The following ST7L variants were observed in gnomAD, a reference collection of about 807,000 sequenced individuals.
The protein encoded by ST7L is suppressor of tumorigenicity 7 protein-like.
ST7L carries 57 observed loss-of-function variants against 72.5 expected under a neutral mutation model. The ratio of observed to expected loss-of-function variants is 0.79; its 90% CI spans 0.64 to 0.98. The LOEUF (loss-of-function observed/expected upper bound fraction) is 0.98, where lower values mean the gene tolerates loss of function less well. Ranked by LOEUF, ST7L falls within the 50% of genes least tolerant of loss-of-function variation. The pLI, the probability that ST7L is intolerant of heterozygous loss-of-function variation, is 0.00. For synonymous variants in ST7L, 221 were observed against 240.9 expected (o/e 0.92, Z 0.77); for missense variants, 576 against 672.2 (o/e 0.86, Z 1.58).
intron 2 of ST7L, among the ~76,000 whole-genome samples, chr1:112,614,942 T>A (rs116099112): frequency 0.02 from 3,047 of 152,114 alleles, 103 homozygotes; most frequent in African/African-American, 0.069. Flanking sequence ...AAATATTTTA[T>A]TTTTTTTAAA....
At chr1:112,548,701 T>C (rs1188259777) in intron 13 of ST7L, among the ~76,000 whole-genome samples, 1 of 152,224 alleles carries the variant, frequency 6.6e-6, no homozygotes, top group Non-Finnish European at 1.5e-5. Flanking sequence ...GTTTATAGCC[T>C]TCGGCATGGT....
At chr1:112,556,243 T>G (rs1176555966) in intron 11 of ST7L, among the ~76,000 whole-genome samples, 1 of 152,182 alleles carries the variant, frequency 6.6e-6, no homozygotes, top group Non-Finnish European at 1.5e-5. Context: ...AATAAGGTGA[T>G]AAATGGCATA....
At chr1:112,572,437 CT>C (rs1307873419) in intron 11 of ST7L, among the ~76,000 whole-genome samples, 1 of 151,954 alleles carries the variant, frequency 6.6e-6, no homozygotes, top group African/African-American at 2.4e-5. Context: ...GTTTCATCTA[CT>C]TTGGAAATCT....
At chr1:112,599,793 T>C (rs1667118955) in intron 4 of ST7L, among the ~76,000 whole-genome samples, 1 of 152,210 alleles carries the variant, frequency 6.6e-6, no homozygotes. Flanking sequence ...TACTTAAATG[T>C]ATACAATGTA....
intron 14 of ST7L, among the ~76,000 whole-genome samples, chr1:112,534,189 CA>C (rs879893111): frequency 2.6e-5 from 4 of 152,178 alleles, no homozygotes; most frequent in African/African-American, 4.8e-5. Context: ...GTTTCTCTAG[CA>C]AGCCACTGGA....
intron 14 of ST7L, chr1:112,526,694 T>G (rs1379551454): frequency 6.7e-6 from 1 of 148,726 alleles, no homozygotes; most frequent in Admixed American, 6.8e-5. Context: ...TGAGCCAAGA[T>G]GCACCACTGC....
chr1:112,559,380 T>C (rs138583911), intron 11 of ST7L, among the ~76,000 whole-genome samples: 3,061 of 152,050 alleles, frequency 0.02, 107 homozygotes, highest in African/African-American at 0.069. Context: ...ACTACAGGCA[T>C]GCACCATGAT....
chr1:112,599,073 A>AAAAAAAAAATAT lies in ST7L; in HGVS notation c.507-988_507-987insATATTTTTTTTT, dbSNP rs1190968815. On this transcript the variant is annotated intron_variant, in intron 4 of 14. Coordinates refer to ENST00000358039, the MANE Select transcript of ST7L (RefSeq NM_017744.5). Reference sequence around the variant, plus strand: ...AGACTCAGCCTCAAAAAAAAAAAAAAATATATATATATATATATATATATA... The same window carrying AAAAAAAAAATAT: ...AGACTCAGCCTCAAAAAAAAAAAAAAAAAAAAAAATATATATATATATATATATATATATATA... Among the ~76,000 whole-genome samples, 46 of 56,996 alleles carry AAAAAAAAAATAT rather than the reference A, an allele frequency of 8.1e-4. 2 individuals are homozygous for AAAAAAAAAATAT. Among genetic ancestry groups the AAAAAAAAAATAT allele is most frequent in the Non-Finnish European group, 1.1e-3 (36 of 32,404 alleles). The allele number at this position is 56,996 out of a possible 152,430, so 37.4% of individuals were successfully genotyped here.
chr1:112,589,224 C>T (rs1665308482), intron 6 of ST7L, among the ~76,000 whole-genome samples: 1 of 151,982 alleles, frequency 6.6e-6, no homozygotes, highest in Non-Finnish European at 1.5e-5. Flanking sequence ...AAAGTCTAGG[C>T]TTCACAGGGG....
At chr1:112,599,502 G>A (rs1373188250) in intron 4 of ST7L, among the ~76,000 whole-genome samples, 12 of 152,074 alleles carry the variant, frequency 7.9e-5, no homozygotes, top group Admixed American at 7.2e-4. Flanking sequence ...CAAAATAAAA[G>A]TAAAGTATCT....
chr1:112,527,451 ACCT>A (rs1653639506), intron 14 of ST7L: 2 of 152,492 alleles, frequency 1.3e-5, no homozygotes, highest in Admixed American at 1.3e-4. Flanking sequence ...TCCATTGCTC[ACCT>A]CCTGCATAGC....
At chr1:112,534,223 A>G (rs1200443655) in intron 14 of ST7L, among the ~76,000 whole-genome samples, 1 of 152,180 alleles carries the variant, frequency 6.6e-6, no homozygotes, top group Non-Finnish European at 1.5e-5. Context: ...GTCATTCTCT[A>G]TTCCCTCAGC....
chr1:112,618,176 A>G, intron 1 of ST7L: 2 of 1,239,140 alleles, frequency 1.6e-6, no homozygotes, highest in Non-Finnish European at 2.1e-6. Context: ...CTGGGCCCTA[A>G]ACACTTCATC....
At chr1:112,520,354 G>A (rs920291163), downstream of ST7L, 4 of 1,614,006 alleles carry the variant, frequency 2.5e-6, no homozygotes, top group African/African-American at 5.3e-5. Context: ...CATGTGCTGT[G>A]GCCGAGGGTA....
chr1:112,586,597 T>C (rs1392316038), intron 6 of ST7L, among the ~76,000 whole-genome samples: 1 of 152,236 alleles, frequency 6.6e-6, no homozygotes, highest in Non-Finnish European at 1.5e-5. Flanking sequence ...ATATTTTGAA[T>C]GTATATACTT....
At chr1:112,540,126 T>G (rs1655869900) in intron 14 of ST7L, 1 of 985,476 alleles carries the variant, frequency 1.0e-6, no homozygotes, top group Non-Finnish European at 1.2e-6. Context: ...AAACATTAAT[T>G]GTAGCTTGCA....
intron 9 of ST7L, 28 bp downstream of exon 9, chr1:112,581,964 T>C (rs1286030721): frequency 7.5e-7 from 1 of 1,325,600 alleles, no homozygotes; most frequent in Non-Finnish European, 1.1e-6. Flanking sequence ...AGAATAACCA[T>C]GCTATCAACT....
At chr1:112,595,135 G>A (rs1015361507) in intron 5 of ST7L, among the ~76,000 whole-genome samples, 1 of 151,980 alleles carries the variant, frequency 6.6e-6, no homozygotes, top group Non-Finnish European at 1.5e-5. Context: ...GAAGACCAAG[G>A]GGGGGCGGAT....
chr1:112,610,316 G>C (rs1460527731), intron 3 of ST7L: 1 of 152,238 alleles, frequency 6.6e-6, no homozygotes, highest in Non-Finnish European at 1.5e-5. Context: ...GAGATGGCAG[G>C]CTAACAAAAT....
Sources: allele counts gnomAD v4.1 joint callset (sites outside exome capture counted in the v4.1 genomes callset), GRCh38; gene constraint gnomAD v4.1.1; transcripts MANE v1.5; gene names NCBI Gene and HGNC (gene_info 2026-07-23, HGNC 2026-07-21).